Variants in CLVS1 observed in about 807,000 individuals in gnomAD.
CLVS1 encodes clavesin 1.
In CLVS1, 10 loss-of-function variants were observed where a neutral mutation model predicts 33.1. That is an observed-to-expected ratio of 0.30 (90% CI 0.19 to 0.51). CLVS1 has a LOEUF of 0.51. Among genes scored for constraint, CLVS1 ranks in the 20% least tolerant of loss-of-function variants. The pLI is 0.97. For synonymous variants in CLVS1, 163 were observed against 166.1 expected (o/e 0.98, Z 0.14); for missense variants, 343 against 433.4 (o/e 0.79, Z 1.85).
At chr8:61,075,379 T>C (rs1804892095) in intron 1 of CLVS1, among the ~76,000 whole-genome samples, 1 of 152,096 alleles carries the variant, frequency 6.6e-6, no homozygotes, top group Non-Finnish European at 1.5e-5. Context: ...TTTATCTGGA[T>C]AAAAAACCAT....
intron 2 of CLVS1, among the ~76,000 whole-genome samples, chr8:61,359,112 C>T (rs1812865539): frequency 6.6e-6 from 1 of 152,068 alleles, no homozygotes; most frequent in Admixed American, 6.6e-5. Flanking sequence ...TTTTTGTTTG[C>T]TGATTACGGT....
intron 2 of CLVS1, among the ~76,000 whole-genome samples, chr8:61,205,343 T>C (rs1807817615): frequency 1.3e-5 from 2 of 152,218 alleles, no homozygotes; most frequent in African/African-American, 4.8e-5. Flanking sequence ...ACCACCACTC[T>C]ACTTTCTGTC....
intron 2 of CLVS1, among the ~76,000 whole-genome samples, chr8:61,317,339 C>T (rs1459496418): frequency 6.6e-6 from 1 of 152,166 alleles, no homozygotes; most frequent in Non-Finnish European, 1.5e-5. Flanking sequence ...TTACAATGAC[C>T]TTACTCCCTT....
At chr8:61,017,009 A>G in the CLVS1 span, among the ~76,000 whole-genome samples, 6 of 152,364 alleles carry the variant, frequency 3.9e-5, no homozygotes, top group South Asian at 1.2e-3. Context: ...ATGAACTAAT[A>G]GCACAAAGCA....
chr8:61,056,567 G>T (rs1484150979), upstream of CLVS1, among the ~76,000 whole-genome samples: 1 of 152,048 alleles, frequency 6.6e-6, no homozygotes, highest in Non-Finnish European at 1.5e-5. Context: ...CTTCATATCA[G>T]CGAGTGCCTG....
chr8:61,358,268 T>G (rs1812825313), intron 2 of CLVS1, among the ~76,000 whole-genome samples: 1 of 152,232 alleles, frequency 6.6e-6, no homozygotes, highest in Admixed American at 6.5e-5. Context: ...CTCACCTACC[T>G]CCTTTCCTAT....
intron 2 of CLVS1, among the ~76,000 whole-genome samples, chr8:61,315,020 C>A (rs1316051632): frequency 6.6e-6 from 1 of 152,162 alleles, no homozygotes; most frequent in African/African-American, 2.4e-5. Flanking sequence ...GACCAGCAGG[C>A]AAGCATGAAG....
intron 1 of CLVS1, among the ~76,000 whole-genome samples, chr8:61,103,863 A>G (rs147924988): frequency 1.9e-3 from 284 of 152,328 alleles, no homozygotes; most frequent in African/African-American, 6.3e-3. Context: ...TTAGGGGTCT[A>G]TTCTTGCCTG....
At chr8:61,368,435 A>G (rs1186913155) in intron 2 of CLVS1, among the ~76,000 whole-genome samples, 1 of 152,166 alleles carries the variant, frequency 6.6e-6, no homozygotes, top group Non-Finnish European at 1.5e-5. Flanking sequence ...TGTTTGTCCA[A>G]TATTCTCTAT....
At chr8:61,413,435 A>T (rs1815310671) in intron 3 of CLVS1, among the ~76,000 whole-genome samples, 1 of 152,174 alleles carries the variant, frequency 6.6e-6, no homozygotes, top group South Asian at 2.1e-4. Flanking sequence ...TTCAAGGCTT[A>T]CATACAGGGG....
chr8:61,476,610 G>C (rs904228124), intron 5 of CLVS1, among the ~76,000 whole-genome samples: 67 of 152,108 alleles, frequency 4.4e-4, no homozygotes, highest in African/African-American at 1.4e-3. Context: ...TCTATTATTG[G>C]TATATAAGAA....
chr8:61,142,997 T>C (rs1806337903), intron 2 of CLVS1, among the ~76,000 whole-genome samples: 1 of 152,224 alleles, frequency 6.6e-6, no homozygotes. Context: ...TTGAATTACC[T>C]GAACTAGATG....
At chr8:60,971,546 C>G in the CLVS1 span, among the ~76,000 whole-genome samples, 6 of 152,244 alleles carry the variant, frequency 3.9e-5, no homozygotes, top group African/African-American at 1.4e-4. Context: ...TTTGGTCTCT[C>G]TCTTTCATGA....
At chr8:60,973,724 C>T in the CLVS1 span, among the ~76,000 whole-genome samples, 9 of 152,282 alleles carry the variant, frequency 5.9e-5, no homozygotes, top group South Asian at 4.2e-4. Context: ...GGAATGCCCC[C>T]GGAAGGACAT....
intron 2 of CLVS1, among the ~76,000 whole-genome samples, chr8:61,141,791 A>G (rs77071578): frequency 0.018 from 2,802 of 152,276 alleles, 37 homozygotes; most frequent in Non-Finnish European, 0.029. Context: ...ACTCCCCAGC[A>G]TAGGACAGGT....
intron 2 of CLVS1, among the ~76,000 whole-genome samples, chr8:61,340,056 AGAAAAAG>A (rs1811970498): frequency 6.6e-6 from 1 of 151,840 alleles, no homozygotes; most frequent in South Asian, 2.1e-4. Context: ...GAAAGAAAAA[AGAAAAAG>A]AAAGAAAGAA....
intron 1 of CLVS1, among the ~76,000 whole-genome samples, chr8:61,290,956 TCTAA>T (rs1376855119): frequency 2.0e-5 from 3 of 152,354 alleles, no homozygotes; most frequent in East Asian, 1.9e-4. Flanking sequence ...GTCTGCAACC[TCTAA>T]CTGATGTATG....
chr8:61,478,029 C>T (rs28793723), intron 5 of CLVS1, among the ~76,000 whole-genome samples: 85,896 of 152,022 alleles, frequency 0.57, 27,787 homozygotes, highest in Non-Finnish European at 0.72. Context: ...TTTGTTCTCA[C>T]TGGTTTCAAA....
At chr8:61,284,046 A>G (rs1298151324), upstream of CLVS1, among the ~76,000 whole-genome samples, 2 of 152,256 alleles carry the variant, frequency 1.3e-5, no homozygotes, top group African/African-American at 2.4e-5. Context: ...GTAACAAAGA[A>G]TGAAATCCTG....
Sources: gnomAD v4.1 joint callset for allele counts (sites outside exome capture counted in the v4.1 genomes callset) on GRCh38, gnomAD v4.1.1 for gene constraint, MANE v1.5 for transcripts, NCBI Gene and HGNC (gene_info 2026-07-23, HGNC 2026-07-21) for gene names.